TMEM135: variants seen among roughly 807,000 people sequenced by gnomAD.
TMEM135 encodes peroxisomal membrane protein 52.
Under a neutral mutation model 60.3 loss-of-function variants are expected in TMEM135, and 30 were observed. The observed-to-expected ratio is 0.50, with a 90% CI of 0.37 to 0.68. The LOEUF is 0.68. TMEM135 is among the 30% of genes least tolerant of loss of function. The pLI is 0.00. For missense variants in TMEM135, 468 were observed against 548.8 expected (o/e 0.85, Z 1.47); for synonymous variants, 190 against 186.7 (o/e 1.02, Z -0.14).
chr11:87,054,552 T>A (rs1047696969), intron 1 of TMEM135, among the ~76,000 whole-genome samples: 2 of 152,232 alleles, frequency 1.3e-5, no homozygotes, highest in Non-Finnish European at 2.9e-5. Flanking sequence ...TTGAGCAAGT[T>A]CCTTTTATAA....
intron 6 of TMEM135, among the ~76,000 whole-genome samples, chr11:87,273,801 A>G (rs1248983449): frequency 6.6e-6 from 1 of 152,186 alleles, no homozygotes; most frequent in Non-Finnish European, 1.5e-5. Flanking sequence ...GGTCTCACCT[A>G]TTTTATAGAG....
intron 1 of TMEM135, among the ~76,000 whole-genome samples, chr11:87,038,708 T>G (rs1565416961): frequency 1.3e-5 from 2 of 150,790 alleles, no homozygotes; most frequent in Non-Finnish European, 2.9e-5. Flanking sequence ...GATTGTGATT[T>G]GGGGGTTTTG....
chr11:87,282,072 C>T (rs541502084), intron 6 of TMEM135, among the ~76,000 whole-genome samples: 2 of 152,288 alleles, frequency 1.3e-5, no homozygotes, highest in African/African-American at 2.4e-5. Context: ...GGGCCCCACA[C>T]TTAGAATTTC....
chr11:87,264,474 T>C (rs1941712315), intron 6 of TMEM135, among the ~76,000 whole-genome samples: 1 of 151,890 alleles, frequency 6.6e-6, no homozygotes. Context: ...TATGTTACTG[T>C]TTATATATTA....
Position 87,037,955 on chromosome 11 carries a change from G to A in TMEM135, c.-91G>A, listed in dbSNP as rs1440145630. The A allele has an allele frequency of 2.5e-6, 4 of 1,589,904 alleles. No individual in the cohort carries two copies. Among genetic ancestry groups the A allele is most frequent in the Non-Finnish European group, 3.4e-6 (4 of 1,166,806 alleles). On this transcript the variant is annotated 5_prime_UTR_variant, in exon 1 of 15. Transcript: ENST00000305494. ...CTCCATTCCGCACCTCCGAGTGCTG[G>A]CCGGGCGAGAGGCTGGCGGCTGGGC...
chr11:87,111,376 T>C (rs35666829), intron 4 of TMEM135, among the ~76,000 whole-genome samples: 1 of 151,574 alleles, frequency 6.6e-6, no homozygotes, highest in Non-Finnish European at 1.5e-5. Context: ...AGCCTGGCGC[T>C]GTGGCTCACG....
chr11:87,203,594 TATTTACTCACCTA>T (rs1940170271), intron 5 of TMEM135, among the ~76,000 whole-genome samples: 1 of 152,242 alleles, frequency 6.6e-6, no homozygotes, highest in South Asian at 2.1e-4. Context: ...TGTACCAGTT[TATTTACTCACCTA>T]CTGGAGAACA....
intron 6 of TMEM135, among the ~76,000 whole-genome samples, chr11:87,274,786 CTGTGTGTGTGTGTGTGTGTG>C (rs10655114): frequency 3.1e-5 from 4 of 129,288 alleles, no homozygotes; most frequent in African/African-American, 1.2e-4. Flanking sequence ...CATAGCAAGA[CTGTGTGTGTGTGTGTGTGTG>C]TGTGTGTGTG....
At chr11:87,097,000 C>CT (rs34461814) in intron 4 of TMEM135, among the ~76,000 whole-genome samples, 57,901 of 143,520 alleles carry the variant, frequency 0.4, 12,570 homozygotes, top group East Asian at 0.64. Flanking sequence ...GGAAGCCACT[C>CT]TTTTTTTTTT....
rs1303075122 is a variant in TMEM135 at position 87,327,635 on chromosome 11, C to T, written c.*6302C>T. The stretch of plus-strand genomic sequence containing the variant: ...GGAGGCTGAGAAACCCCACCACAGG[C>T]CATTCATAACCTGGAGACCTTGGGA... On this transcript the variant is annotated 3_prime_UTR_variant, in exon 15 of 15. Coordinates refer to ENST00000305494, the MANE Select transcript of TMEM135 (RefSeq NM_022918.4). The T allele has an allele frequency of 4.4e-6, 2 of 453,632 alleles. No individual in the cohort carries two copies. Among genetic ancestry groups the T allele is most frequent in the African/African-American group, 4.0e-5 (2 of 49,910 alleles). The allele number at this position is 453,632 out of a possible 1,614,324, so 28.1% of individuals were successfully genotyped here. A position where few individuals can be genotyped will look rare whatever the true frequency, so the allele number is the denominator to read the frequency against.
At chr11:87,279,647 G>C (rs192974187) in intron 6 of TMEM135, among the ~76,000 whole-genome samples, 1 of 152,272 alleles carries the variant, frequency 6.6e-6, no homozygotes, top group East Asian at 1.9e-4. Context: ...ATATATGATT[G>C]TGTAAATGAA....
intron 5 of TMEM135, among the ~76,000 whole-genome samples, chr11:87,212,812 G>A (rs1401980568): frequency 1.5e-5 from 2 of 136,148 alleles, no homozygotes; most frequent in African/African-American, 2.9e-5. Context: ...GACAGAGTGA[G>A]ACCTGATTTT....
chr11:87,217,120 T>C (rs931894569), intron 5 of TMEM135, among the ~76,000 whole-genome samples: 1 of 152,176 alleles, frequency 6.6e-6, no homozygotes, highest in African/African-American at 2.4e-5. Flanking sequence ...TAAGAGGGTA[T>C]GTTTTTGAGA....
intron 5 of TMEM135, among the ~76,000 whole-genome samples, chr11:87,210,375 A>G (rs1289734043): frequency 6.6e-6 from 1 of 152,188 alleles, no homozygotes; most frequent in East Asian, 1.9e-4. Flanking sequence ...TTCTCAGACT[A>G]TTACAGATAC....
intron 5 of TMEM135, among the ~76,000 whole-genome samples, chr11:87,185,671 TC>T (rs1424617658): frequency 6.6e-6 from 1 of 152,192 alleles, no homozygotes; most frequent in Non-Finnish European, 1.5e-5. Context: ...ATGGATATAT[TC>T]TTTTATCAGT....
At chr11:87,101,652 G>A (rs571187722) in intron 4 of TMEM135, among the ~76,000 whole-genome samples, 3 of 152,248 alleles carry the variant, frequency 2.0e-5, no homozygotes, top group Non-Finnish European at 4.4e-5. Flanking sequence ...TAAAACATCT[G>A]TATTTGATTT....
intron 4 of TMEM135, among the ~76,000 whole-genome samples, chr11:87,107,298 G>T (rs1857621654): frequency 6.6e-6 from 1 of 151,802 alleles, no homozygotes. Flanking sequence ...AAGTTCTAGG[G>T]TACATGTGCA....
chr11:87,302,515 AT>A (rs1942467553), intron 8 of TMEM135, 73 bp downstream of exon 8: 1 of 1,594,674 alleles, frequency 6.3e-7, no homozygotes, highest in East Asian at 2.2e-5. Context: ...TGCCAAGGTT[AT>A]TTTTGTTTTC....
At chr11:87,183,482 T>A (rs1939572456) in intron 5 of TMEM135, among the ~76,000 whole-genome samples, 1 of 151,988 alleles carries the variant, frequency 6.6e-6, no homozygotes, top group African/African-American at 2.4e-5. Context: ...CTATACTCAA[T>A]AGTAAAGTTA....
Sources: gnomAD v4.1 joint callset for allele counts (sites outside exome capture counted in the v4.1 genomes callset) on GRCh38, gnomAD v4.1.1 for gene constraint, MANE v1.5 for transcripts, NCBI Gene and HGNC (gene_info 2026-07-23, HGNC 2026-07-21) for gene names.